ELMO1: variants seen among roughly 807,000 people sequenced by gnomAD.
ELMO1 encodes the protein engulfment and cell motility 1.
Under a neutral mutation model 98.9 loss-of-function variants are expected in ELMO1, and 26 were observed. That is an observed-to-expected ratio of 0.26 (90% confidence interval 0.19 to 0.36). The LOEUF is 0.36. Ranked by LOEUF, ELMO1 falls within the 10% of genes least tolerant of loss-of-function variation. ELMO1 has a pLI of 1.00. For missense variants in ELMO1, 627 were observed against 935.2 expected (o/e 0.67, Z 4.30); for synonymous variants, 346 against 346.0 (o/e 1.00, Z 0.00).
At chr7:37,092,660 C>A (rs949228941) in intron 15 of ELMO1, among the ~76,000 whole-genome samples, 1 of 152,134 alleles carries the variant, frequency 6.6e-6, no homozygotes, top group African/African-American at 2.4e-5. Flanking sequence ...CAGGCGTGAG[C>A]CAACACATCC....
chr7:37,284,776 G>GA (rs3054300), intron 4 of ELMO1, among the ~76,000 whole-genome samples: 11,787 of 149,754 alleles, frequency 0.079, 874 homozygotes, highest in African/African-American at 0.19. Context: ...ACGGTTTAAA[G>GA]AAAAAAAAAA....
chr7:37,199,942 G>A (rs1160800846), intron 13 of ELMO1, among the ~76,000 whole-genome samples: 1 of 152,290 alleles, frequency 6.6e-6, no homozygotes, highest in Non-Finnish European at 1.5e-5. Flanking sequence ...CTGTGCAGAG[G>A]CCCTGCCCCA....
chr7:37,023,950 C>T (rs1318960235), intron 15 of ELMO1, among the ~76,000 whole-genome samples: 1 of 152,182 alleles, frequency 6.6e-6, no homozygotes, highest in Non-Finnish European at 1.5e-5. Flanking sequence ...AATGCAAAAA[C>T]TGTAATAGAC....
intron 6 of ELMO1, among the ~76,000 whole-genome samples, chr7:37,257,420 C>T (rs1795727058): frequency 6.6e-6 from 1 of 151,636 alleles, no homozygotes; most frequent in Non-Finnish European, 1.5e-5. Flanking sequence ...GAAACCCCGT[C>T]TCTACTAAAA....
At chr7:36,997,805 G>A (rs1584493224) in intron 16 of ELMO1, 1 of 152,398 alleles carries the variant, frequency 6.6e-6, no homozygotes, top group East Asian at 1.9e-4. Context: ...CAGTGCCATG[G>A]GAATGAGGAA....
intron 1 of ELMO1, among the ~76,000 whole-genome samples, chr7:37,417,470 C>A (rs1280923945): frequency 2.0e-5 from 3 of 152,136 alleles, no homozygotes; most frequent in Non-Finnish European, 4.4e-5. Flanking sequence ...GACCATCTGG[C>A]TAACATGGTG....
intron 14 of ELMO1, among the ~76,000 whole-genome samples, chr7:37,121,556 G>C (rs181289878): frequency 7.4e-4 from 113 of 152,284 alleles, no homozygotes; most frequent in African/African-American, 2.5e-3. Context: ...GAAATGAAGT[G>C]AGAAGAGAAG....
chr7:37,296,249 C>T (rs1798021762), intron 4 of ELMO1, among the ~76,000 whole-genome samples: 1 of 152,182 alleles, frequency 6.6e-6, no homozygotes, highest in South Asian at 2.1e-4. Context: ...CTTGTGATTA[C>T]ACAACCAAGA....
chr7:37,270,879 T>TCACACA (rs1247610206), intron 5 of ELMO1: 1 of 104,684 alleles, frequency 9.6e-6, no homozygotes, highest in African/African-American at 3.2e-5. Flanking sequence ...TCTCTCTCTC[T>TCACACA]CTCACACACA....
At chr7:37,140,827 A>G (rs772439922) in intron 13 of ELMO1, among the ~76,000 whole-genome samples, 21 of 152,230 alleles carry the variant, frequency 1.4e-4, no homozygotes, top group African/African-American at 2.4e-5. Context: ...CGAAACCACA[A>G]TGCAATACCA....
intron 4 of ELMO1, among the ~76,000 whole-genome samples, chr7:37,288,023 C>T (rs1452341937): frequency 3.9e-5 from 6 of 152,092 alleles, no homozygotes; most frequent in Admixed American, 2.6e-4. Context: ...TGCAGTGGTG[C>T]GATCTCAGCT....
chr7:37,002,151 G>C (rs1223762225), intron 16 of ELMO1: 1 of 152,164 alleles, frequency 6.6e-6, no homozygotes, highest in Non-Finnish European at 1.5e-5. Context: ...CTCATTTTGG[G>C]ACCTACACTG....
At chr7:37,326,201 A>G (rs1799794585) in intron 2 of ELMO1, among the ~76,000 whole-genome samples, 1 of 152,188 alleles carries the variant, frequency 6.6e-6, no homozygotes, top group Non-Finnish European at 1.5e-5. Flanking sequence ...CAAAAATGAC[A>G]AAGGGGGCTT....
intron 14 of ELMO1, among the ~76,000 whole-genome samples, chr7:37,122,797 T>C (rs975480521): frequency 2.0e-5 from 3 of 152,164 alleles, no homozygotes; most frequent in African/African-American, 7.2e-5. Flanking sequence ...AATAGACATC[T>C]ACAGAACTCT....
intron 16 of ELMO1, among the ~76,000 whole-genome samples, chr7:36,928,183 G>A (rs1026392324): frequency 2.0e-5 from 3 of 152,222 alleles, no homozygotes; most frequent in Admixed American, 6.5e-5. Flanking sequence ...ATTAACGCCC[G>A]GATTCGTAAG....
At chr7:37,011,885 C>A (rs1793585695) in intron 16 of ELMO1, among the ~76,000 whole-genome samples, 1 of 152,214 alleles carries the variant, frequency 6.6e-6, no homozygotes. Context: ...ACCTGAAATG[C>A]AAAGTCTCTC....
At chr7:37,156,791 C>G (rs993706966) in intron 13 of ELMO1, among the ~76,000 whole-genome samples, 5 of 152,068 alleles carry the variant, frequency 3.3e-5, no homozygotes, top group Non-Finnish European at 2.9e-5. Context: ...AATAGAAAAA[C>G]AGGGAATCCT....
chr7:36,879,648 C>T (rs1440454099), intron 18 of ELMO1, among the ~76,000 whole-genome samples: 1 of 152,126 alleles, frequency 6.6e-6, no homozygotes, highest in African/African-American at 2.4e-5. Flanking sequence ...TCTTATCTTC[C>T]TCATCTTTAA....
intron 16 of ELMO1, among the ~76,000 whole-genome samples, chr7:36,950,445 C>T (rs973361843): frequency 6.6e-6 from 1 of 152,206 alleles, no homozygotes. Flanking sequence ...CACCACCAAG[C>T]CACAGGTTTC....
Sources: allele counts gnomAD v4.1 joint callset (sites outside exome capture counted in the v4.1 genomes callset), GRCh38; gene constraint gnomAD v4.1.1; transcripts MANE v1.5; gene names NCBI Gene and HGNC (gene_info 2026-07-23, HGNC 2026-07-21).